CYP3A7: variants seen among roughly 807,000 people sequenced by gnomAD.
CYP3A7 encodes cytochrome P450 family 3 subfamily A member 7.
In CYP3A7, 45 loss-of-function variants were observed where a neutral mutation model predicts 55.2. The ratio of observed to expected loss-of-function variants is 0.82; its 90% CI spans 0.64 to 1.05. The LOEUF (loss-of-function observed/expected upper bound fraction) is 1.05. Among genes scored for constraint, CYP3A7 ranks in the 50% least tolerant of loss-of-function variants. CYP3A7 has a pLI of 0.00. For synonymous variants in CYP3A7, 180 were observed against 207.4 expected, an observed-to-expected ratio of 0.87 and a Z score of 1.13; for missense variants, 548 against 605.3, an observed-to-expected ratio of 0.91 and a Z score of 0.99.
Position 99,722,347 on chromosome 7 carries a change from C to G in CYP3A7, c.167G>C (p.Gly56Ala). The change falls in exon 3 of 13, where the codon GGC becomes GCC. Residue 56 changes from glycine to alanine, a missense_variant and splice_region_variant. Physicochemically the swap from Gly to Ala is moderately conservative, Grantham distance 60. Coordinates refer to ENST00000336374, the MANE Select transcript of CYP3A7 (RefSeq NM_000765.5). ...FLGNALSFRK[G>A]YWTFDMECYK... Reference sequence around the variant, plus strand: ...ACATTCCATGTCAAACGTCCAATAGCCCTGGGAGGAGAAACAAAATAATAT... The same window carrying G: ...ACATTCCATGTCAAACGTCCAATAGGCCTGGGAGGAGAAACAAAATAATAT... 3 of 1,613,402 alleles carry G rather than the reference C, an allele frequency of 1.9e-6. No individual in the cohort carries two copies. Among genetic ancestry groups the G allele is most frequent in the Non-Finnish European group, 2.5e-6 (3 of 1,179,612 alleles).
At chr7:99,708,875 T>G (rs1813631300) in intron 11 of CYP3A7, among the ~76,000 whole-genome samples, 160 bp downstream of exon 11, 1 of 152,142 alleles carries the variant, frequency 6.6e-6, no homozygotes, top group African/African-American at 2.4e-5. Context: ...AGTCTGTGGT[T>G]TGTAAAGTGT....
intron 1 of CYP3A7, among the ~76,000 whole-genome samples, chr7:99,732,596 A>G (rs1814670738): frequency 6.6e-6 from 1 of 152,076 alleles, no homozygotes; most frequent in Non-Finnish European, 1.5e-5. Context: ...CCAACTGGGG[A>G]TTCTGGATAT....
chr7:99,730,793 C>T (rs1371780623), intron 2 of CYP3A7: 2 of 435,234 alleles, frequency 4.6e-6, no homozygotes, highest in South Asian at 5.0e-5. Flanking sequence ...TTATGGTGCT[C>T]ACAAAGTCTG....
chr7:99,721,666 A>G (rs1377679459), intron 3 of CYP3A7, among the ~76,000 whole-genome samples: 1 of 152,196 alleles, frequency 6.6e-6, no homozygotes, highest in Non-Finnish European at 1.5e-5. Context: ...GACATATGGG[A>G]TCCTTGGTAG....
chr7:99,712,295 G>A (rs1362781540), intron 9 of CYP3A7, among the ~76,000 whole-genome samples: 1 of 152,156 alleles, frequency 6.6e-6, no homozygotes, highest in African/African-American at 2.4e-5. Context: ...GCAGTTGTGG[G>A]TAAATTCAAC....
intron 1 of CYP3A7, among the ~76,000 whole-genome samples, chr7:99,731,661 G>A (rs1308944412): frequency 6.6e-6 from 1 of 152,116 alleles, no homozygotes; most frequent in Non-Finnish European, 1.5e-5. Flanking sequence ...TTGCTCAGAG[G>A]CTTTTAAGCT....
At chr7:99,733,752 T>G (rs1814719665) in intron 1 of CYP3A7, among the ~76,000 whole-genome samples, 1 of 152,216 alleles carries the variant, frequency 6.6e-6, no homozygotes, top group Non-Finnish European at 1.5e-5. Flanking sequence ...GAATATTTTC[T>G]CACTTCATCT....
chr7:99,717,699 A>C, intron 4 of CYP3A7, 60 bp from the exon 5 acceptor site: 7 of 1,590,358 alleles, frequency 4.4e-6, no homozygotes, highest in Non-Finnish European at 6.0e-6. Context: ...CCATGGTTGT[A>C]GAAAATGTGT....
rs61737520 is a variant in CYP3A7, at chr7:99,710,829, G to A, written c.929C>T (p.Thr310Met). ...TATAATGAAGGAGAGAACACTGCTC[G>A]TGGTTTCATAGCCAGCAAAAATAAA... ...IIFIFAGYETTSSVLSFIIYE... is the reference protein window; with the variant it reads ...IIFIFAGYETMSSVLSFIIYE... The change falls in exon 10 of 13, where the codon ACG (threonine) becomes ATG (methionine). Residue 310 changes from threonine (T) to methionine (M), a missense_variant. By Grantham distance (81) the Thr-to-Met change is moderately conservative. Coordinates refer to ENST00000336374, the MANE Select transcript of CYP3A7 (RefSeq NM_000765.5). The A allele has an allele frequency of 2.0e-5, 33 of 1,613,834 alleles. No homozygotes were observed. Among genetic ancestry groups the A allele is most frequent in the African/African-American group, 1.2e-4 (9 of 75,022 alleles).
At chr7:99,731,738 A>G (rs376022220) in intron 1 of CYP3A7, among the ~76,000 whole-genome samples, 24 of 152,146 alleles carry the variant, frequency 1.6e-4, no homozygotes, top group African/African-American at 5.1e-4. Context: ...ATTCACAGAG[A>G]GGTCTTGGAG....
chr7:99,713,597 G>A, intron 8 of CYP3A7, 62 bp from the exon 9 acceptor site: 1 of 1,609,778 alleles, frequency 6.2e-7, no homozygotes, highest in Admixed American at 1.7e-5. Context: ...AAGTTAATCA[G>A]AAGTGCAGTC....
chr7:99,724,622 C>T (rs1373589700), intron 2 of CYP3A7, among the ~76,000 whole-genome samples: 1 of 152,044 alleles, frequency 6.6e-6, no homozygotes, highest in Non-Finnish European at 1.5e-5. Flanking sequence ...CCTCTGCTCC[C>T]CCACCCTATA....
chr7:99,716,071 T>G (rs548954394), intron 6 of CYP3A7, among the ~76,000 whole-genome samples, 165 bp from the exon 7 acceptor site: 1 of 152,296 alleles, frequency 6.6e-6, no homozygotes, highest in African/African-American at 2.4e-5. Context: ...AGAAGGTGAT[T>G]ATCAGGTGTC....
rs781593104 is a variant in CYP3A7 at position 99,720,381 on chromosome 7, T to C, written c.250A>G (p.Ile84Val). 1.2e-6 allele frequency: 2 copies of C among 1,613,756 alleles called. No homozygotes were observed. Among genetic ancestry groups the C allele is most frequent in the South Asian group, 1.1e-5 (1 of 91,082 alleles). The change falls in exon 4 of 13, where the codon ATC becomes GTC. Residue 84 changes from isoleucine (I) to valine (V), a missense_variant. By Grantham distance (29) the Ile-to-Val change is conservative. Coordinates refer to ENST00000336374, the MANE Select transcript of CYP3A7 (RefSeq NM_000765.5). Reference sequence around the variant, plus strand: ...GTTTTGATCATGTCGGGATCTGTGATAGCCAGCATAGGCTGTTGACAGTCA... The same window carrying C: ...GTTTTGATCATGTCGGGATCTGTGACAGCCAGCATAGGCTGTTGACAGTCA... The part of the protein sequence containing the change: ...IYDCQQPMLA[I>V]TDPDMIKTVL...
intron 8 of CYP3A7, among the ~76,000 whole-genome samples, chr7:99,714,293 C>T (rs1182480365): frequency 6.6e-6 from 1 of 152,146 alleles, no homozygotes; most frequent in Non-Finnish European, 1.5e-5. Context: ...AAGGTTTTAT[C>T]TGAATAATAT....
chr7:99,711,883 C>T (rs1813762779), intron 9 of CYP3A7, among the ~76,000 whole-genome samples: 1 of 152,216 alleles, frequency 6.6e-6, no homozygotes, highest in Non-Finnish European at 1.5e-5. Flanking sequence ...AATTTGTGTG[C>T]ATAGCCCAGG....
intron 7 of CYP3A7, among the ~76,000 whole-genome samples, chr7:99,715,092 A>G (rs1373334225): frequency 6.6e-6 from 1 of 152,240 alleles, no homozygotes; most frequent in Non-Finnish European, 1.5e-5. Flanking sequence ...GATAAAGCTA[A>G]AATCAATAAG....
Position 99,720,295 on chromosome 7 carries a change from C to CA in CYP3A7, c.318+17dup, listed in dbSNP as rs1481741761. 1.9e-6 allele frequency: 3 copies of CA among 1,611,372 alleles called. No homozygotes were observed. Among genetic ancestry groups the CA allele is most frequent in the Non-Finnish European group, 2.5e-6 (3 of 1,179,458 alleles). Reference sequence around the variant, plus strand: ...AATCAATCAATGAGTATTTTAATTTCAAAAAATGGATGCTTACCCTCCGGT... The same window carrying CA: ...AATCAATCAATGAGTATTTTAATTTCAAAAAAATGGATGCTTACCCTCCGGT... On this transcript the variant is annotated intron_variant, in intron 4 of 12. Coordinates refer to ENST00000336374, the MANE Select transcript of CYP3A7 (RefSeq NM_000765.5).
intron 1 of CYP3A7, 135 bp from the exon 2 acceptor site, chr7:99,731,287 C>CT: frequency 1.0e-6 from 1 of 972,184 alleles, no homozygotes; most frequent in Non-Finnish European, 1.5e-6. Context: ...AACAGTAACT[C>CT]TGACGGCAAT....
Sources: allele counts gnomAD v4.1 joint callset (sites outside exome capture counted in the v4.1 genomes callset), GRCh38; gene constraint gnomAD v4.1.1; transcripts MANE v1.5; gene names NCBI Gene and HGNC (gene_info 2026-07-23, HGNC 2026-07-21).